The following SLC9A8 variants were observed in gnomAD, a reference collection of about 807,000 sequenced individuals.
SLC9A8 encodes the protein sodium/hydrogen exchanger 8.
In SLC9A8, 48 loss-of-function variants were observed where a neutral mutation model predicts 66.6. That is an observed-to-expected ratio of 0.72 (90% CI 0.57 to 0.92). SLC9A8 has a LOEUF of 0.92. Among genes scored for constraint, SLC9A8 ranks in the 40% least tolerant of loss-of-function variants. The pLI, the probability that SLC9A8 is intolerant of heterozygous loss-of-function variation, is 0.00. For synonymous variants in SLC9A8, 274 were observed against 282.6 expected, an observed-to-expected ratio of 0.97 and a Z score of 0.31; for missense variants, 599 against 747.3, an observed-to-expected ratio of 0.80 and a Z score of 2.31.
chr20:49,847,367 TAA>T (rs944886421), intron 5 of SLC9A8, among the ~76,000 whole-genome samples: 5 of 150,102 alleles, frequency 3.3e-5, no homozygotes. Context: ...TTAGAGCATG[TAA>T]AGTTTTTCTT....
intron 3 of SLC9A8, among the ~76,000 whole-genome samples, chr20:49,834,509 A>G (rs1012305911): frequency 6.8e-6 from 1 of 146,206 alleles, no homozygotes; most frequent in Non-Finnish European, 1.5e-5. Context: ...CACACACTAT[A>G]TATATGCCAT....
chr20:49,822,771 A>G (rs1345328918), intron 2 of SLC9A8, among the ~76,000 whole-genome samples: 2 of 152,258 alleles, frequency 1.3e-5, no homozygotes, highest in African/African-American at 4.8e-5. Flanking sequence ...TGGATGACAC[A>G]GTGAGACCCT....
rs202072048 is a variant in SLC9A8 at position 49,822,315 on chromosome 20, CAA to C, written c.209-745_209-744del. On this transcript the variant is annotated intron_variant, in intron 2 of 15. Coordinates refer to ENST00000361573, the MANE Select transcript of SLC9A8 (RefSeq NM_015266.3). ...CACATGATGGCAAAATAATTTGTGT[CAA>C]TGCAATCTGTTGCAGTTACATTTAT... 0.023 allele frequency among the ~76,000 whole-genome samples: 3,469 copies of C among 152,246 alleles called. 377 individuals carry two copies. In the East Asian group the frequency reaches 0.35, roughly 15 times the overall value.
chr20:49,862,721 G>A lies in SLC9A8; in HGVS notation c.714-208G>A, dbSNP rs903856993. On this transcript the variant is annotated intron_variant, in intron 8 of 15. Coordinates refer to ENST00000361573, the MANE Select transcript of SLC9A8 (RefSeq NM_015266.3). ...AGCCTGAGGGGAGGAGCTCCTTAAG[G>A]GCAGCAGCTTTGCTCTCATCTCTGA... 5.3e-5 allele frequency among the ~76,000 whole-genome samples: 8 copies of A among 152,128 alleles called. No homozygotes were observed. In the South Asian group the frequency reaches 1.7e-3, roughly 32 times the overall value.
intron 3 of SLC9A8, chr20:49,831,053 A>G: frequency 1.4e-6 from 1 of 708,240 alleles, no homozygotes; most frequent in Non-Finnish European, 2.6e-6. Flanking sequence ...GTCCAACAAT[A>G]TGTCCGCTGT....
intron 10 of SLC9A8, among the ~76,000 whole-genome samples, chr20:49,872,033 C>T (rs1022587227): frequency 6.6e-6 from 1 of 152,076 alleles, no homozygotes; most frequent in East Asian, 1.9e-4. Flanking sequence ...ACAGGAGAAT[C>T]GCTTGAACCT....
intron 2 of SLC9A8, among the ~76,000 whole-genome samples, chr20:49,820,282 A>T (rs1049622068): frequency 4.6e-5 from 7 of 152,056 alleles, no homozygotes. Context: ...TGAGGCCAGG[A>T]GTTCGAGACC....
Position 49,889,379 on chromosome 20 carries a change from AG to A in SLC9A8, c.*1444del, listed in dbSNP as rs1414939525. On this transcript the variant is annotated 3_prime_UTR_variant, in exon 16 of 16. Coordinates refer to ENST00000361573, the MANE Select transcript of SLC9A8 (RefSeq NM_015266.3). ...TGCATTCCTGCTTCTCTGGGGACACAGTGGGCCCACATGGGCCAGCATGGAC... is the reference window on the plus strand; with the variant it reads ...TGCATTCCTGCTTCTCTGGGGACACATGGGCCCACATGGGCCAGCATGGAC... 3 of 152,262 alleles carry A rather than the reference AG, an allele frequency of 2.0e-5. No homozygotes were observed. Among genetic ancestry groups the A allele is most frequent in the East Asian group, 3.9e-4 (2 of 5,190 alleles). 9.4% of individuals were successfully genotyped at this position (152,262 alleles called of 1,614,324 possible).
chr20:49,823,536 C>G (rs1187322544), intron 3 of SLC9A8, among the ~76,000 whole-genome samples: 5 of 152,316 alleles, frequency 3.3e-5, no homozygotes, highest in African/African-American at 1.2e-4. Flanking sequence ...GGGACTCTGA[C>G]TTTACAGTTT....
intron 3 of SLC9A8, chr20:49,830,454 C>T (rs2087127689): frequency 3.6e-6 from 3 of 822,460 alleles, no homozygotes; most frequent in East Asian, 2.5e-5. Context: ...GGTGCTGGGC[C>T]CCAGTGGTAT....
At chr20:49,823,621 T>TA (rs1440040388) in intron 3 of SLC9A8, among the ~76,000 whole-genome samples, 1 of 152,182 alleles carries the variant, frequency 6.6e-6, no homozygotes, top group Non-Finnish European at 1.5e-5. Context: ...CTACCCCACT[T>TA]ACATTTCTGT....
At chr20:49,838,447 C>T (rs940741495) in intron 3 of SLC9A8, among the ~76,000 whole-genome samples, 2 of 152,148 alleles carry the variant, frequency 1.3e-5, no homozygotes, top group African/African-American at 4.8e-5. Flanking sequence ...TTTATTTTGT[C>T]TTGGGTCCTT....
In SLC9A8 at chr20:49,857,722, AAAAC is replaced by A. The variant is rs1368167633; in HGVS notation, c.713+2153_713+2156del. 3.9e-5 allele frequency among the ~76,000 whole-genome samples: 6 copies of A among 152,166 alleles called. No individual in the cohort carries two copies. The East Asian group carries it at 5.8e-4, about 15-fold the overall frequency. The stretch of plus-strand genomic sequence containing the variant: ...GTCAGAGTGAGACTCTGTTTTAAAA[AAAAC>A]AAACAAACAAAAGGGTACTATGAGA... On this transcript the variant is annotated intron_variant, in intron 8 of 15. Coordinates refer to ENST00000361573, the MANE Select transcript of SLC9A8 (RefSeq NM_015266.3).
chr20:49,842,059 AT>A lies in SLC9A8; in HGVS notation c.348+2473del, dbSNP rs201138846. Reference sequence around the variant, plus strand: ...CTATATATTTATTTTATTTTATTTTATTTTTTTTTTTTTGCTGGGGAGTGGT... The same window carrying A: ...CTATATATTTATTTTATTTTATTTTATTTTTTTTTTTTGCTGGGGAGTGGT... On this transcript the variant is annotated intron_variant, in intron 4 of 15. Transcript: ENST00000361573. Among the ~76,000 whole-genome samples the A allele has an allele frequency of 0.023, 3,345 of 142,348 alleles. 357 individuals carry two copies. The East Asian group carries it at 0.35, about 15-fold the overall frequency. 93.4% of individuals were successfully genotyped at this position (142,348 alleles called of 152,430 possible). A position where few individuals can be genotyped will look rare whatever the true frequency, so the allele number is the denominator to read the frequency against.
rs2087930506 is a variant in SLC9A8, at chr20:49,845,137, A to G, written c.432+18A>G. 11 of 1,570,826 alleles carry G rather than the reference A, an allele frequency of 7.0e-6. No individual in the cohort carries two copies. Among genetic ancestry groups the G allele is most frequent in the Non-Finnish European group, 8.8e-6 (10 of 1,140,650 alleles). ...TACACAAGGTGAGACTCAGGCACAC[A>G]TTGGTGCTTTGGTCTGGACAGTTTC... On this transcript the variant is annotated intron_variant, in intron 5 of 15. Transcript: ENST00000361573.
intron 3 of SLC9A8, among the ~76,000 whole-genome samples, chr20:49,826,804 A>G (rs2086929800): frequency 6.6e-6 from 1 of 152,154 alleles, no homozygotes; most frequent in African/African-American, 2.4e-5. Context: ...TTTATTGACA[A>G]TTATTTTTAT....
rs1429079633 is a variant in SLC9A8 at position 49,891,969 on chromosome 20, C to T, written c.*4033C>T. On this transcript the variant is annotated 3_prime_UTR_variant, in exon 16 of 16. Transcript: ENST00000361573. ...AGTGCTGGGTTTTTGTTTTAAGAAG[C>T]ATTATGAAGGCCAGACTTACTCATT... 1 of 152,092 alleles carries T rather than the reference C, an allele frequency of 6.6e-6. No individual in the cohort carries two copies. Among genetic ancestry groups the T allele is most frequent in the Non-Finnish European group, 1.5e-5 (1 of 68,026 alleles). 9.4% of individuals were successfully genotyped at this position (152,092 alleles called of 1,614,324 possible). A position where few individuals can be genotyped will look rare whatever the true frequency, so the allele number is the denominator to read the frequency against.
chr20:49,880,860 C>A, intron 12 of SLC9A8, 64 bp from the exon 13 acceptor site: 1 of 1,087,598 alleles, frequency 9.2e-7, no homozygotes, highest in South Asian at 1.3e-5. Context: ...TAGCTTCATC[C>A]AAGAAGCTTC....
At chr20:49,844,619 TAAAA>T (rs35043669) in intron 4 of SLC9A8, among the ~76,000 whole-genome samples, 2 of 106,042 alleles carry the variant, frequency 1.9e-5, no homozygotes, top group East Asian at 3.6e-4. Context: ...CCCTGTATCT[TAAAA>T]AAAAAAAAAA....
Sources: gnomAD v4.1 joint callset for allele counts (sites outside exome capture counted in the v4.1 genomes callset) on GRCh38, gnomAD v4.1.1 for gene constraint, MANE v1.5 for transcripts, NCBI Gene and HGNC (gene_info 2026-07-23, HGNC 2026-07-21) for gene names.